Variants in GMDS observed in about 807,000 individuals in gnomAD.
The protein encoded by GMDS is GDP-mannose 4,6 dehydratase.
A neutral mutation model predicts 49.9 loss-of-function variants in GMDS; 20 were observed. That is an observed-to-expected ratio of 0.40 (90% CI 0.28 to 0.58). The LOEUF (loss-of-function observed/expected upper bound fraction) is 0.58. Ranked by LOEUF, GMDS falls within the 20% of genes least tolerant of loss-of-function variation. The pLI is 0.42. For synonymous variants in GMDS, 177 were observed against 178.6 expected (o/e 0.99, Z 0.07); for missense variants, 362 against 481.4 (o/e 0.75, Z 2.32).
At position 2,216,538 on chromosome 6, in the gene GMDS, T is replaced by G. The variant is rs948040871; in HGVS notation, c.102+28783A>C. On this transcript the variant is annotated intron_variant, in intron 1 of 10. Transcript: ENST00000380815. The stretch of plus-strand genomic sequence containing the variant: ...GCACATGGGTAAACTGCACTCACAC[T>G]TCTTTGTGGGAAAGAGCCTGACTTC... Among the ~76,000 whole-genome samples the G allele has an allele frequency of 4.6e-5, 7 of 152,338 alleles. No individual in the cohort carries two copies. In the East Asian group the frequency reaches 1.2e-3, roughly 25 times the overall value.
At chr6:2,028,295 T>TTTTAAGTTTC (rs1768728787) in intron 4 of GMDS, among the ~76,000 whole-genome samples, 1 of 152,212 alleles carries the variant, frequency 6.6e-6, no homozygotes. Context: ...GTTAAATATG[T>TTTTAAGTTTC]TTTAAGTTTC....
At chr6:2,064,937 A>C (rs1562020147) in intron 4 of GMDS, among the ~76,000 whole-genome samples, 1 of 152,194 alleles carries the variant, frequency 6.6e-6, no homozygotes, top group Non-Finnish European at 1.5e-5. Flanking sequence ...AAAGTTAAGC[A>C]GCTTGCTCAA....
chr6:2,241,560 T>C (rs1441402661), intron 1 of GMDS, among the ~76,000 whole-genome samples: 1 of 152,126 alleles, frequency 6.6e-6, no homozygotes, highest in Non-Finnish European at 1.5e-5. Flanking sequence ...AGCAGATCCC[T>C]CATGAATGCT....
At chr6:1,629,840 C>T (rs1322457895) in intron 9 of GMDS, among the ~76,000 whole-genome samples, 4 of 152,218 alleles carry the variant, frequency 2.6e-5, no homozygotes, top group South Asian at 2.1e-4. Context: ...TTAAGCACTA[C>T]TAAACAAATG....
chr6:2,135,541 C>G (rs1216485304), intron 1 of GMDS, among the ~76,000 whole-genome samples: 1 of 152,092 alleles, frequency 6.6e-6, no homozygotes, highest in African/African-American at 2.4e-5. Context: ...GATGCATTTC[C>G]TACATTTGAG....
chr6:1,954,814 A>T (rs1350601126), intron 6 of GMDS, among the ~76,000 whole-genome samples: 3 of 152,160 alleles, frequency 2.0e-5, no homozygotes, highest in Non-Finnish European at 4.4e-5. Flanking sequence ...TAAGTGGCCT[A>T]ATTTCAATAT....
At chr6:2,165,344 C>G (rs1221057756) in intron 1 of GMDS, among the ~76,000 whole-genome samples, 2 of 152,234 alleles carry the variant, frequency 1.3e-5, no homozygotes, top group Admixed American at 1.3e-4. Flanking sequence ...AAGCCAGCAG[C>G]TTTGAGACCT....
Position 1,895,024 on chromosome 6 carries a change from A to T in GMDS, c.771+35079T>A, listed in dbSNP as rs562356074. Among the ~76,000 whole-genome samples, 3 of 152,320 alleles carry T rather than the reference A, an allele frequency of 2.0e-5. No homozygotes were observed. The South Asian group carries it at 6.2e-4, about 32-fold the overall frequency. ...TGGATATCTTCTAGAATTACTTTAT[A>T]TTCCTTCCCATTTGAACACAGCACA... On this transcript the variant is annotated intron_variant, in intron 7 of 10. Transcript: ENST00000380815.
chr6:2,006,844 T>G (rs894411290), intron 4 of GMDS, among the ~76,000 whole-genome samples: 1 of 152,222 alleles, frequency 6.6e-6, no homozygotes, highest in African/African-American at 2.4e-5. Context: ...AAACACAGTG[T>G]TCAAAGCAAC....
At chr6:2,150,820 T>A (rs1581716829) in intron 1 of GMDS, among the ~76,000 whole-genome samples, 1 of 152,242 alleles carries the variant, frequency 6.6e-6, no homozygotes, top group East Asian at 1.9e-4. Flanking sequence ...CTATCTTTAA[T>A]TATATGATAC....
intron 9 of GMDS, among the ~76,000 whole-genome samples, chr6:1,724,444 G>A (rs1433786456): frequency 6.6e-6 from 1 of 152,134 alleles, no homozygotes; most frequent in Non-Finnish European, 1.5e-5. Context: ...TTTGTTCTGT[G>A]TCCTTATCAA....
At chr6:1,938,690 C>G (rs888757357) in intron 6 of GMDS, among the ~76,000 whole-genome samples, 4 of 151,964 alleles carry the variant, frequency 2.6e-5, no homozygotes, top group Non-Finnish European at 5.9e-5. Context: ...GCATCTGTGA[C>G]TCTTTAATCA....
chr6:1,748,122 A>G (rs1337817380), intron 7 of GMDS, among the ~76,000 whole-genome samples: 1 of 152,178 alleles, frequency 6.6e-6, no homozygotes, highest in Non-Finnish European at 1.5e-5. Flanking sequence ...TCTAGCCAGG[A>G]ATACACAGCT....
At chr6:2,216,418 C>T (rs1031445144) in intron 1 of GMDS, among the ~76,000 whole-genome samples, 1 of 152,200 alleles carries the variant, frequency 6.6e-6, no homozygotes, top group Admixed American at 6.5e-5. Flanking sequence ...CAGATTCTAC[C>T]TTAATCAGAG....
chr6:1,891,555 T>C (rs1008099209), intron 7 of GMDS, among the ~76,000 whole-genome samples: 31 of 152,234 alleles, frequency 2.0e-4, no homozygotes, highest in Non-Finnish European at 4.1e-4. Flanking sequence ...ATTAAGTACT[T>C]GATCTCCTAA....
At chr6:1,703,405 C>A (rs945505618) in intron 9 of GMDS, among the ~76,000 whole-genome samples, 2 of 152,094 alleles carry the variant, frequency 1.3e-5, no homozygotes, top group East Asian at 3.9e-4. Context: ...CACAGCATAT[C>A]CAAACATGCC....
At chr6:1,737,876 C>T (rs1375981441) in intron 8 of GMDS, among the ~76,000 whole-genome samples, 1 of 145,532 alleles carries the variant, frequency 6.9e-6, no homozygotes, top group Non-Finnish European at 1.5e-5. Context: ...TACACACATA[C>T]ATACACACGC....
intron 7 of GMDS, 116 bp from the exon 8 acceptor site, chr6:1,742,702 A>C: frequency 4.7e-6 from 3 of 639,384 alleles, no homozygotes; most frequent in Non-Finnish European, 5.7e-6. Context: ...CATGAATTTC[A>C]TAGCATATTC....
chr6:1,714,986 T>C (rs200918092), intron 9 of GMDS, among the ~76,000 whole-genome samples: 2 of 152,070 alleles, frequency 1.3e-5, no homozygotes, highest in East Asian at 3.9e-4. Flanking sequence ...TGTGAGACAG[T>C]TGGGATAGAT....
Sources: allele counts gnomAD v4.1 joint callset (sites outside exome capture counted in the v4.1 genomes callset), GRCh38; gene constraint gnomAD v4.1.1; transcripts MANE v1.5; gene names NCBI Gene and HGNC (gene_info 2026-07-23, HGNC 2026-07-21).